Variants in USP34 observed in about 807,000 individuals in gnomAD.
USP34 encodes the protein ubiquitin carboxyl-terminal hydrolase 34.
Under a neutral mutation model 460.3 loss-of-function variants are expected in USP34, and 70 were observed. That is an observed-to-expected ratio of 0.15 (90% CI 0.13 to 0.19). The LOEUF is 0.19. Among genes scored for constraint, USP34 ranks in the 10% least tolerant of loss-of-function variants. USP34 has a pLI of 1.00. For synonymous variants in USP34, 1,647 were observed against 1,405.3 expected (o/e 1.17, Z -3.85); for missense variants, 3,985 against 4,236.2 (o/e 0.94, Z 1.65).
At chr2:61,438,254 T>C (rs1363504034) in intron 1 of USP34, among the ~76,000 whole-genome samples, 3 of 151,924 alleles carry the variant, frequency 2.0e-5, no homozygotes, top group African/African-American at 4.8e-5. Context: ...ACAAAAACCA[T>C]AGGATCATCT....
intron 43 of USP34, among the ~76,000 whole-genome samples, chr2:61,263,129 G>A (rs533817981): frequency 4.3e-4 from 62 of 145,306 alleles, no homozygotes; most frequent in Middle Eastern, 4.0e-3. Context: ...CTGGCCCAGC[G>A]TCCCGAGTAG....
chr2:61,324,965 G>C (rs1691040829), intron 21 of USP34, among the ~76,000 whole-genome samples: 1 of 151,984 alleles, frequency 6.6e-6, no homozygotes, highest in African/African-American at 2.4e-5. Flanking sequence ...GGAACTGAAG[G>C]CCATTATTCT....
chr2:61,271,391 T>C (rs1402127615), intron 41 of USP34, among the ~76,000 whole-genome samples: 2 of 152,222 alleles, frequency 1.3e-5, no homozygotes, highest in African/African-American at 2.4e-5. Flanking sequence ...CCATGAAGTA[T>C]AAATATCATG....
At chr2:61,196,069 A>ATTTTTTTTTTTTTTTTTTT (rs71403398) in intron 75 of USP34, among the ~76,000 whole-genome samples, 1 of 41,576 alleles carries the variant, frequency 2.4e-5, no homozygotes, top group African/African-American at 1.1e-4. Flanking sequence ...ACCATGCACG[A>ATTTTTTTTTTTTTTTTTTT]TTTTTTTTTT....
At chr2:61,190,947 T>C in intron 76 of USP34, 1 of 244,376 alleles carries the variant, frequency 4.1e-6, no homozygotes, top group Admixed American at 5.1e-5. Flanking sequence ...TATCCAGCAC[T>C]GAGAGAGTTA....
intron 5 of USP34, 114 bp downstream of exon 5, chr2:61,394,735 TAAAA>T (rs939104540): frequency 4.0e-6 from 3 of 745,294 alleles, no homozygotes; most frequent in East Asian, 3.3e-5. Flanking sequence ...TTTGTCAAAA[TAAAA>T]AAAAATTACA....
chr2:61,257,113 A>C lies in USP34; in HGVS notation c.5992-5T>G. On this transcript the variant is annotated splice_polypyrimidine_tract_variant and splice_region_variant and intron_variant, in intron 45 of 79. Transcript: ENST00000398571. ...TAAACTTTTGACGGTATTTTTCTTT[A>C]ATATAAAACAAACAAAAAATAAGAA... The C allele has an allele frequency of 6.4e-7, 1 of 1,570,778 alleles. No homozygotes were observed. The highest frequency in any genetic ancestry group is 8.6e-7 in the Non-Finnish European group (1 of 1,163,656).
chr2:61,417,744 C>CTTTT (rs55680146), intron 2 of USP34, among the ~76,000 whole-genome samples: 35 of 87,916 alleles, frequency 4.0e-4, no homozygotes, highest in South Asian at 7.3e-4. Context: ...TTTTTCTTTT[C>CTTTT]TTTTTTTTTT....
At chr2:61,418,632 G>A (rs946328786) in intron 2 of USP34, among the ~76,000 whole-genome samples, 4 of 152,238 alleles carry the variant, frequency 2.6e-5, no homozygotes, top group Admixed American at 1.3e-4. Flanking sequence ...CTGTTTATCC[G>A]CTAATTAGAA....
intron 1 of USP34, among the ~76,000 whole-genome samples, chr2:61,435,307 C>CAAAAAAAAAAAAAAAAAA (rs59158283): frequency 9.8e-5 from 4 of 40,954 alleles, no homozygotes; most frequent in East Asian, 7.5e-4. Flanking sequence ...GACCTTGTTT[C>CAAAAAAAAAAAAAAAAAA]AAAAAAAAAA....
intron 1 of USP34, among the ~76,000 whole-genome samples, chr2:61,460,015 T>A (rs191998973): frequency 4.5e-4 from 69 of 152,264 alleles, no homozygotes; most frequent in Admixed American, 2.0e-3. Context: ...TGAGCCGAGA[T>A]CGCACCACTG....
intron 29 of USP34, among the ~76,000 whole-genome samples, chr2:61,298,023 AAT>A (rs1049391501): frequency 7.2e-5 from 11 of 152,200 alleles, no homozygotes; most frequent in African/African-American, 2.7e-4. Context: ...TAAAAAGAGA[AAT>A]ATTGAATTCT....
intron 78 of USP34, 165 bp from the exon 79 acceptor site, chr2:61,189,234 A>C: frequency 1.5e-6 from 1 of 688,526 alleles, no homozygotes; most frequent in Non-Finnish European, 2.3e-6. Flanking sequence ...AGCCAGTGTT[A>C]AGATACTACA....
At chr2:61,383,816 G>C (rs1014784627) in intron 5 of USP34, among the ~76,000 whole-genome samples, 1 of 152,054 alleles carries the variant, frequency 6.6e-6, no homozygotes, top group Non-Finnish European at 1.5e-5. Context: ...GTACAAAACA[G>C]AATTACACAT....
chr2:61,332,769 C>T (rs1360319115), intron 19 of USP34, among the ~76,000 whole-genome samples: 2 of 151,810 alleles, frequency 1.3e-5, no homozygotes, highest in Admixed American at 1.3e-4. Context: ...AAAACAGAAC[C>T]TTCACTGGAT....
At chr2:61,399,874 C>CAAAAAAAAAAAAAAACA (rs1693658484) in intron 3 of USP34, among the ~76,000 whole-genome samples, 1 of 69,984 alleles carries the variant, frequency 1.4e-5, no homozygotes, top group Non-Finnish European at 2.6e-5. Context: ...CACTGTCTCC[C>CAAAAAAAAAAAAAAACA]AAAAAAAAAA....
chr2:61,190,152 C>T (rs1572819975), intron 78 of USP34, 119 bp downstream of exon 78: 3 of 1,405,776 alleles, frequency 2.1e-6, no homozygotes, highest in East Asian at 2.3e-5. Context: ...TTTTGTCGCA[C>T]ATGGCTTAAG....
In USP34 at chr2:61,214,348, T is replaced by C. The variant is rs1687345326; in HGVS notation, c.8394A>G (p.Lys2798=). Residue 2798 remains lysine, a synonymous_variant, in exon 68 of 80, where the codon AAA becomes AAG. Coordinates refer to ENST00000398571, the MANE Select transcript of USP34 (RefSeq NM_014709.4). ...SEPAIATNHN[K]QALLSFWYNV... is the part of the protein sequence containing the mutation. ...TGTACCAAAATGAAAGCAAAGCCTG[T>C]TTATTGTGATTTGTAGCTATTGCTG... 1 of 1,614,084 alleles carries C rather than the reference T, an allele frequency of 6.2e-7. No individual in the cohort carries two copies. Among genetic ancestry groups the C allele is most frequent in the Non-Finnish European group, 8.5e-7 (1 of 1,180,044 alleles).
At chr2:61,285,324 C>T (rs1226069258) in intron 34 of USP34, among the ~76,000 whole-genome samples, 1 of 151,542 alleles carries the variant, frequency 6.6e-6, no homozygotes, top group African/African-American at 2.4e-5. Context: ...TCTGTTTCCA[C>T]TAAAAATACA....
Sources: gnomAD v4.1 joint callset for allele counts (sites outside exome capture counted in the v4.1 genomes callset) on GRCh38, gnomAD v4.1.1 for gene constraint, MANE v1.5 for transcripts, NCBI Gene and HGNC (gene_info 2026-07-23, HGNC 2026-07-21) for gene names.